SLC2A13: variants seen among roughly 807,000 people sequenced by gnomAD.
SLC2A13 encodes the protein solute carrier family 2 member 13, also known as proton myo-inositol cotransporter.
A neutral mutation model predicts 64.4 loss-of-function variants in SLC2A13; 32 were observed. The ratio of observed to expected loss-of-function variants is 0.50; its 90% confidence interval spans 0.37 to 0.67. The LOEUF (loss-of-function observed/expected upper bound fraction) is 0.67. SLC2A13 is among the 30% of genes least tolerant of loss of function. The pLI is 0.00. For synonymous variants in SLC2A13, 338 were observed against 327.1 expected, an observed-to-expected ratio of 1.03 and a Z score of -0.36; for missense variants, 743 against 829.2, an observed-to-expected ratio of 0.90 and a Z score of 1.28.
In SLC2A13 at chr12:39,760,048, T is replaced by C. The variant is rs1566754116; in HGVS notation, c.1925A>G (p.Asn642Ser). The C allele has an allele frequency of 6.2e-7, 1 of 1,612,314 alleles. No homozygotes were observed. Among genetic ancestry groups the C allele is most frequent in the Non-Finnish European group, 8.5e-7 (1 of 1,178,920 alleles). ...AAATTATTCCACATCAGAAGCATCA[T>C]TGTCAGAAAGATGATAGTTACTTCC... is the stretch of plus-strand genomic sequence containing the variant. ...VKGSNYHLSD[N>S]DASDVE is the part of the protein sequence containing the mutation. The change falls in exon 10 of 10, where the codon AAT becomes AGT. Residue 642 changes from asparagine (N) to serine (S), a missense_variant. Asn to Ser is a conservative substitution (Grantham distance 46, BLOSUM62 1). Around this residue, in one of 2 missense-constraint regions of SLC2A13, gnomAD observed 295 missense variants for 381.7 expected, o/e 0.77. Coordinates refer to ENST00000280871, the MANE Select transcript of SLC2A13 (RefSeq NM_052885.4).
intron 7 of SLC2A13, among the ~76,000 whole-genome samples, chr12:39,806,747 G>C (rs2135796084): frequency 6.6e-6 from 1 of 152,252 alleles, no homozygotes; most frequent in Middle Eastern, 3.4e-3. Flanking sequence ...GGGAAACATG[G>C]GTTGCTATGT....
intron 3 of SLC2A13, among the ~76,000 whole-genome samples, chr12:39,980,229 G>T (rs1946862977): frequency 6.6e-6 from 1 of 152,028 alleles, no homozygotes; most frequent in African/African-American, 2.4e-5. Context: ...ATGCCAAAAT[G>T]TAAAGACCAT....
intron 1 of SLC2A13, among the ~76,000 whole-genome samples, chr12:40,099,165 A>G (rs779146131): frequency 6.6e-6 from 1 of 152,224 alleles, no homozygotes; most frequent in Non-Finnish European, 1.5e-5. Flanking sequence ...CAACCAGAGA[A>G]ATTAAATTTT....
At chr12:39,765,857 C>T (rs971538910) in intron 7 of SLC2A13, among the ~76,000 whole-genome samples, 9 of 152,030 alleles carry the variant, frequency 5.9e-5, no homozygotes, top group Admixed American at 1.3e-4. Flanking sequence ...TGTGCATTAG[C>T]TATTTATCCT....
chr12:39,779,393 C>A (rs1003496231), intron 7 of SLC2A13, among the ~76,000 whole-genome samples: 1 of 152,118 alleles, frequency 6.6e-6, no homozygotes, highest in South Asian at 2.1e-4. Context: ...TGCCTGAATT[C>A]TTCTATTTCC....
chr12:40,103,963 C>T (rs1052318411), intron 1 of SLC2A13, among the ~76,000 whole-genome samples: 1 of 152,208 alleles, frequency 6.6e-6, no homozygotes, highest in Non-Finnish European at 1.5e-5. Flanking sequence ...AGGAAGGTCA[C>T]TACTGACAAA....
At chr12:40,100,311 C>T (rs891582612) in intron 1 of SLC2A13, among the ~76,000 whole-genome samples, 35 of 152,134 alleles carry the variant, frequency 2.3e-4, no homozygotes, top group African/African-American at 8.2e-4. Flanking sequence ...ATACTGGTGA[C>T]TATCAAATTT....
intron 7 of SLC2A13, among the ~76,000 whole-genome samples, chr12:39,804,086 C>T (rs1941893029): frequency 6.6e-6 from 1 of 151,910 alleles, no homozygotes. Flanking sequence ...AATGTAAACA[C>T]ACGTGACTTG....
intron 3 of SLC2A13, among the ~76,000 whole-genome samples, chr12:40,021,264 C>T (rs28370669): frequency 1.3e-5 from 2 of 152,132 alleles, no homozygotes; most frequent in Non-Finnish European, 2.9e-5. Context: ...AACAACAGAA[C>T]AGTCAATGAC....
chr12:40,047,243 C>T (rs1220155512), intron 2 of SLC2A13, among the ~76,000 whole-genome samples: 5 of 152,160 alleles, frequency 3.3e-5, no homozygotes, highest in Non-Finnish European at 5.9e-5. Flanking sequence ...AACATCAACA[C>T]TGTAAAAGCC....
chr12:40,000,379 T>A (rs569707988), intron 3 of SLC2A13, among the ~76,000 whole-genome samples: 1 of 152,200 alleles, frequency 6.6e-6, no homozygotes, highest in Non-Finnish European at 1.5e-5. Flanking sequence ...TACCCTCTAC[T>A]AAATTTAAAC....
At chr12:40,029,594 T>C (rs1947874358) in intron 2 of SLC2A13, among the ~76,000 whole-genome samples, 1 of 152,180 alleles carries the variant, frequency 6.6e-6, no homozygotes, top group Non-Finnish European at 1.5e-5. Context: ...GCTCCAGAGA[T>C]AAATCTCACA....
chr12:40,016,572 T>C (rs1446861651), intron 3 of SLC2A13, among the ~76,000 whole-genome samples: 2 of 152,196 alleles, frequency 1.3e-5, no homozygotes, highest in Non-Finnish European at 2.9e-5. Context: ...TGAAAATATA[T>C]TTGAATTTCA....
rs575199801 is a variant in SLC2A13 at position 39,772,409 on chromosome 12, AT to A, written c.1446-7552del. On this transcript the variant is annotated intron_variant, in intron 7 of 9. Transcript: ENST00000280871. Reference sequence around the variant, plus strand: ...TTGCCAAAAGAATAATCACCGTGCTATTTTTTTTTTAAATCTCAACCTATTG... The same window carrying A: ...TTGCCAAAAGAATAATCACCGTGCTATTTTTTTTTAAATCTCAACCTATTG... 9.3e-5 allele frequency among the ~76,000 whole-genome samples: 14 copies of A among 150,180 alleles called. No individual in the cohort carries two copies. The East Asian group carries it at 1.2e-3, about 13-fold the overall frequency.
intron 4 of SLC2A13, among the ~76,000 whole-genome samples, chr12:39,903,522 T>C (rs997784599): frequency 6.6e-6 from 1 of 152,016 alleles, no homozygotes; most frequent in African/African-American, 2.4e-5. Context: ...TGAGGGAAGC[T>C]CATGACAAGA....
chr12:39,896,216 G>A (rs1443375852), intron 4 of SLC2A13, among the ~76,000 whole-genome samples: 6 of 144,262 alleles, frequency 4.2e-5, no homozygotes, highest in East Asian at 2.1e-4. Context: ...ATGTATATAC[G>A]TATACATATA....
Position 39,759,857 on chromosome 12 carries a change from A to G in SLC2A13, c.*169T>C, listed in dbSNP as rs2135705655. 3 of 569,102 alleles carry G rather than the reference A, an allele frequency of 5.3e-6. No homozygotes were observed. The highest frequency in any genetic ancestry group is 9.3e-6 in the Non-Finnish European group (3 of 323,984). 35.3% of individuals were successfully genotyped at this position (569,102 alleles called of 1,614,324 possible). A position where few individuals can be genotyped will look rare whatever the true frequency, so the allele number is the denominator to read the frequency against. On this transcript the variant is annotated 3_prime_UTR_variant, in exon 10 of 10. Transcript: ENST00000280871. ...TAAAATATTGTTCCTTGTGGAAAAAAAAAGTCATCATGGTTGTATCTTCCT... is the reference window on the plus strand; with the variant it reads ...TAAAATATTGTTCCTTGTGGAAAAAGAAAGTCATCATGGTTGTATCTTCCT...
chr12:39,849,235 G>C (rs896332555), intron 6 of SLC2A13, among the ~76,000 whole-genome samples: 1 of 151,916 alleles, frequency 6.6e-6, no homozygotes, highest in Non-Finnish European at 1.5e-5. Context: ...AACAGTATCT[G>C]TATATATATG....
intron 7 of SLC2A13, among the ~76,000 whole-genome samples, chr12:39,789,428 TCA>T (rs1450843178): frequency 6.6e-6 from 1 of 152,184 alleles, no homozygotes; most frequent in African/African-American, 2.4e-5. Flanking sequence ...TGAAAATACA[TCA>T]GTTTATCCCT....
Sources: gnomAD v4.1 joint callset for allele counts (sites outside exome capture counted in the v4.1 genomes callset) on GRCh38, gnomAD v4.1.1 for gene constraint, gnomAD v4.1.1 regional missense constraint, MANE v1.5 for transcripts, NCBI Gene and HGNC (gene_info 2026-07-23, HGNC 2026-07-21) for gene names.